KLHL29: variants seen among roughly 807,000 people sequenced by gnomAD.
KLHL29 encodes kelch like family member 29.
Under a neutral mutation model 80.4 loss-of-function variants are expected in KLHL29, and 21 were observed. The ratio of observed to expected loss-of-function variants is 0.26; its 90% CI spans 0.19 to 0.38. The LOEUF (loss-of-function observed/expected upper bound fraction) is 0.38, where lower values mean the gene tolerates loss of function less well. Ranked by LOEUF, KLHL29 falls within the 10% of genes least tolerant of loss-of-function variation. KLHL29 has a pLI of 1.00. For synonymous variants in KLHL29, 511 were observed against 526.8 expected (o/e 0.97, Z 0.41); for missense variants, 867 against 1,223.9 (o/e 0.71, Z 4.35).
At chr2:23,595,886 C>G (rs1347314963) in intron 3 of KLHL29, among the ~76,000 whole-genome samples, 2 of 152,220 alleles carry the variant, frequency 1.3e-5, no homozygotes, top group Non-Finnish European at 2.9e-5. Context: ...CAGCATGCCC[C>G]TTCCAGACAC....
At chr2:23,509,006 T>C (rs923284730) in intron 2 of KLHL29, among the ~76,000 whole-genome samples, 1 of 152,182 alleles carries the variant, frequency 6.6e-6, no homozygotes, top group African/African-American at 2.4e-5. Flanking sequence ...ATGATAAAAA[T>C]AGTACCTATG....
At chr2:23,627,624 T>C (rs1353805863) in intron 3 of KLHL29, among the ~76,000 whole-genome samples, 1 of 152,228 alleles carries the variant, frequency 6.6e-6, no homozygotes, top group African/African-American at 2.4e-5. Context: ...CCGTGTGTGC[T>C]GCCCTGTTTG....
intron 2 of KLHL29, among the ~76,000 whole-genome samples, chr2:23,517,001 G>A (rs1665953247): frequency 6.6e-6 from 1 of 152,202 alleles, no homozygotes; most frequent in African/African-American, 2.4e-5. Context: ...AAGAGCCTGG[G>A]TCCAGAACCT....
At chr2:23,439,194 T>A (rs1323321500) in intron 1 of KLHL29, among the ~76,000 whole-genome samples, 1 of 151,688 alleles carries the variant, frequency 6.6e-6, no homozygotes, top group Non-Finnish European at 1.5e-5. Flanking sequence ...ATTTGATTCT[T>A]CTCTCTTTTT....
intron 2 of KLHL29, among the ~76,000 whole-genome samples, chr2:23,525,935 A>G (rs1390440155): frequency 1.3e-5 from 2 of 152,082 alleles, no homozygotes; most frequent in African/African-American, 2.4e-5. Context: ...TCCCGATGCA[A>G]CCCAGCCACC....
At chr2:23,580,019 TC>T (rs766520993) in intron 3 of KLHL29, among the ~76,000 whole-genome samples, 2 of 152,180 alleles carry the variant, frequency 1.3e-5, no homozygotes, top group Non-Finnish European at 2.9e-5. Flanking sequence ...GGCCTCTTTT[TC>T]CTCATCTATA....
intron 1 of KLHL29, among the ~76,000 whole-genome samples, chr2:23,462,601 C>T (rs1455291305): frequency 2.6e-5 from 4 of 152,210 alleles, no homozygotes; most frequent in Non-Finnish European, 5.9e-5. Flanking sequence ...TTCTAGTGTC[C>T]CTAGCGGCTT....
chr2:23,402,761 T>G (rs1390782551), intron 1 of KLHL29, among the ~76,000 whole-genome samples: 3 of 152,202 alleles, frequency 2.0e-5, no homozygotes, highest in African/African-American at 7.2e-5. Flanking sequence ...GTTTCTTCAG[T>G]GATTTCACTG....
intron 1 of KLHL29, among the ~76,000 whole-genome samples, chr2:23,421,738 ATGTG>A (rs1259622691): frequency 8.0e-5 from 10 of 124,802 alleles, no homozygotes; most frequent in Non-Finnish European, 1.7e-4. Flanking sequence ...TGTTGTGTGT[ATGTG>A]TGTGTGTTCA....
chr2:23,626,927 C>G (rs1415156859), intron 3 of KLHL29, among the ~76,000 whole-genome samples: 1 of 152,198 alleles, frequency 6.6e-6, no homozygotes. Context: ...AAGGGCGGGC[C>G]AGGCCCAACC....
intron 1 of KLHL29, among the ~76,000 whole-genome samples, chr2:23,450,976 A>T (rs1663861274): frequency 1.3e-5 from 2 of 152,210 alleles, no homozygotes; most frequent in Non-Finnish European, 2.9e-5. Context: ...TTTCTGACAG[A>T]TCCACTTTCT....
chr2:23,460,546 G>T (rs771207505), intron 1 of KLHL29, among the ~76,000 whole-genome samples: 5 of 152,138 alleles, frequency 3.3e-5, no homozygotes, highest in Admixed American at 2.0e-4. Flanking sequence ...GGGTGAAAAT[G>T]GCTAGATTAA....
chr2:23,571,460 G>A lies in KLHL29; in HGVS notation c.285+8979G>A, dbSNP rs560449386. Among the ~76,000 whole-genome samples, 10 of 152,242 alleles carry A rather than the reference G, an allele frequency of 6.6e-5. No homozygotes were observed. In the South Asian group the frequency reaches 1.5e-3, roughly 22 times the overall value. ...TTCTGTTCCAGGTATCCACCACCTC[G>A]CAGGCTCAGAGAAAAGTGAACCCCA... On this transcript the variant is annotated intron_variant, in intron 3 of 13. Transcript: ENST00000486442.
At chr2:23,420,119 CCCA>C (rs1662750893) in intron 1 of KLHL29, among the ~76,000 whole-genome samples, 1 of 152,172 alleles carries the variant, frequency 6.6e-6, no homozygotes, top group Admixed American at 6.5e-5. Context: ...CTTGGCCTCG[CCCA>C]CCATCAGATC....
At chr2:23,488,676 C>T (rs1343149024) in intron 2 of KLHL29, among the ~76,000 whole-genome samples, 1 of 152,208 alleles carries the variant, frequency 6.6e-6, no homozygotes, top group African/African-American at 2.4e-5. Flanking sequence ...CATCATGAAT[C>T]AAAAGGAGGA....
intron 1 of KLHL29, among the ~76,000 whole-genome samples, chr2:23,410,012 C>T (rs776820147): frequency 2.6e-5 from 4 of 151,940 alleles, no homozygotes; most frequent in Non-Finnish European, 5.9e-5. Context: ...CAAGGAGATG[C>T]GAAAAGGTCA....
At chr2:23,599,556 C>T (rs908784850) in intron 3 of KLHL29, among the ~76,000 whole-genome samples, 2 of 150,482 alleles carry the variant, frequency 1.3e-5, no homozygotes, top group African/African-American at 4.9e-5. Context: ...ATAATTTATC[C>T]TTATATGACA....
chr2:23,548,640 G>C (rs1172607165), intron 2 of KLHL29, among the ~76,000 whole-genome samples: 3 of 152,230 alleles, frequency 2.0e-5, no homozygotes, highest in African/African-American at 7.2e-5. Context: ...CTAGAGAGTG[G>C]ATGGCCTGGC....
In KLHL29 at chr2:23,696,231, T is replaced by A; in HGVS notation, c.1924+98T>A. ...AGGAAGGCCATGGCCCAGAAGTGTC[T>A]ACTTTGCAGGTGAAGCCTTCCTCTG... On this transcript the variant is annotated intron_variant, in intron 10 of 13. Transcript: ENST00000486442. This position sits in a 1 kb window ranked among gnomAD's most constrained non-coding sequence, Gnocchi z 5.5. 1 of 1,485,476 alleles carries A rather than the reference T, an allele frequency of 6.7e-7. No homozygotes were observed. Among genetic ancestry groups the A allele is most frequent in the South Asian group, 1.3e-5 (1 of 79,128 alleles). The allele number at this position is 1,485,476 out of a possible 1,614,324, so 92.0% of individuals were successfully genotyped here.
Sources: allele counts gnomAD v4.1 joint callset (sites outside exome capture counted in the v4.1 genomes callset), GRCh38; gene constraint gnomAD v4.1.1; non-coding constraint Gnocchi (gnomAD v3.1); transcripts MANE v1.5; gene names NCBI Gene and HGNC (gene_info 2026-07-23, HGNC 2026-07-21).